Variants in TTYH2 observed in about 807,000 individuals in gnomAD.
TTYH2 encodes the protein tweety family member 2, also known as protein tweety homolog 2.
In TTYH2, 49 loss-of-function variants were observed where a neutral mutation model predicts 68.3. That is an observed-to-expected ratio of 0.72 (90% CI 0.57 to 0.91). TTYH2 has a LOEUF of 0.91. Ranked by LOEUF, TTYH2 falls within the 40% of genes least tolerant of loss-of-function variation. The pLI is 0.00. For missense variants in TTYH2, 631 were observed against 700.4 expected, an observed-to-expected ratio of 0.90 and a Z score of 1.12; for synonymous variants, 272 against 300.8, an observed-to-expected ratio of 0.90 and a Z score of 0.99.
chr17:74,222,804 C>G lies in TTYH2; in HGVS notation c.302+147C>G. 9.7e-7 allele frequency: 1 copy of G among 1,025,780 alleles called. No individual in the cohort carries two copies. Among genetic ancestry groups the G allele is most frequent in the East Asian group, 2.8e-5 (1 of 35,410 alleles). 63.5% of individuals were successfully genotyped at this position (1,025,780 alleles called of 1,614,324 possible). On this transcript the variant is annotated intron_variant, in intron 2 of 13. Transcript: ENST00000269346. This position sits in a 1 kb window ranked among gnomAD's most constrained non-coding sequence, Gnocchi z 5.2. Reference sequence around the variant, plus strand: ...ATGTTGTCCCTTTTTTTTTTTTTACCAAGCATCAGGAATCAGATGCCTGGG... The same window carrying G: ...ATGTTGTCCCTTTTTTTTTTTTTACGAAGCATCAGGAATCAGATGCCTGGG...
intron 2 of TTYH2, among the ~76,000 whole-genome samples, chr17:74,225,441 A>G (rs1462919968): frequency 6.6e-6 from 1 of 152,172 alleles, no homozygotes; most frequent in Non-Finnish European, 1.5e-5. Flanking sequence ...GAGCCACTGC[A>G]GGGGCTCTGC....
intron 3 of TTYH2, among the ~76,000 whole-genome samples, chr17:74,235,825 C>T (rs1198339361): frequency 1.1e-4 from 17 of 147,984 alleles, no homozygotes; most frequent in Non-Finnish European, 1.9e-4. Context: ...ACCCGGGAGG[C>T]GGAGGTTGCA....
At chr17:74,227,059 C>T (rs750959666) in intron 2 of TTYH2, among the ~76,000 whole-genome samples, 2 of 152,204 alleles carry the variant, frequency 1.3e-5, no homozygotes, top group Non-Finnish European at 2.9e-5. Flanking sequence ...ACTGCAACCT[C>T]TGCCTCCCAG....
chr17:74,237,403 A>T lies in TTYH2; in HGVS notation c.524A>T (p.Gln175Leu), dbSNP rs748986816. ...TACCTGCAGACCCTGAAGTTCATAC[A>T]GCAGATGGCGGGCAGCGTTGTTGTT... ...GDYLQTLKFI[Q>L]QMAGSVVVQL... Residue 175 changes from glutamine to leucine, a missense_variant, in exon 4 of 14, where the codon CAG becomes CTG. Physicochemically the swap from Gln to Leu is moderately radical, Grantham distance 113. Coordinates refer to ENST00000269346, the MANE Select transcript of TTYH2 (RefSeq NM_032646.6). The T allele has an allele frequency of 6.2e-7, 1 of 1,614,170 alleles. No individual in the cohort carries two copies. Among genetic ancestry groups the T allele is most frequent in the African/African-American group, 1.3e-5 (1 of 75,044 alleles).
Position 74,243,374 on chromosome 17 carries a change from G to A in TTYH2, c.636G>A (p.Arg212=). The part of the protein sequence containing the change: ...SDQTGYVEYY[R]WLSYLLLFIL... The stretch of plus-strand genomic sequence containing the variant: ...TGACCATCCCTGCCCCTCTACCCAG[G>A]TGGCTCTCCTACCTCCTGCTCTTTA... Residue 212 remains arginine (R), a splice_region_variant and synonymous_variant, in exon 5 of 14, where the codon AGG becomes AGA. Transcript: ENST00000269346. 2.5e-6 allele frequency: 4 copies of A among 1,614,060 alleles called. No homozygotes were observed. The highest frequency in any genetic ancestry group is 3.4e-6 in the Non-Finnish European group (4 of 1,179,924).
At chr17:74,259,515 G>A (rs532449457) in intron 13 of TTYH2, among the ~76,000 whole-genome samples, 1 of 152,250 alleles carries the variant, frequency 6.6e-6, no homozygotes, top group Admixed American at 6.5e-5. Flanking sequence ...ACCGTTATGT[G>A]CATTTTGCAT....
At chr17:74,229,947 A>G (rs1358772440) in intron 2 of TTYH2, among the ~76,000 whole-genome samples, 1 of 152,170 alleles carries the variant, frequency 6.6e-6, no homozygotes, top group Non-Finnish European at 1.5e-5. Context: ...CCTGGCCAAC[A>G]TGGTGAAACC....
At chr17:74,229,339 A>G (rs1194985148) in intron 2 of TTYH2, among the ~76,000 whole-genome samples, 1 of 152,178 alleles carries the variant, frequency 6.6e-6, no homozygotes, top group Non-Finnish European at 1.5e-5. Flanking sequence ...CTACTGCATC[A>G]GCATCCCTTG....
intron 6 of TTYH2, among the ~76,000 whole-genome samples, chr17:74,244,499 T>C (rs902704297): frequency 6.6e-6 from 1 of 152,148 alleles, no homozygotes; most frequent in East Asian, 1.9e-4. Flanking sequence ...GACTGTAGAA[T>C]GTGGTGTCTG....
chr17:74,260,198 T>G lies in TTYH2; in HGVS notation c.1594T>G (p.Phe532Val). 6.2e-7 allele frequency: 1 copy of G among 1,613,942 alleles called. No homozygotes were observed. The highest frequency in any genetic ancestry group is 8.5e-7 in the Non-Finnish European group (1 of 1,179,922). ...DEHLRHYGNQ[F>V]PA is the part of the protein sequence containing the mutation. ...GCACCTGAGGCACTACGGGAATCAG[T>G]TTCCAGCCTAACAGACTTTCGGGGG... is the stretch of plus-strand genomic sequence containing the variant. The change falls in exon 14 of 14, where the codon TTT (phenylalanine) becomes GTT (valine). Residue 532 changes from phenylalanine (F) to valine (V), a missense_variant. Transcript: ENST00000269346.
intron 2 of TTYH2, among the ~76,000 whole-genome samples, chr17:74,229,046 G>A (rs1484503117): frequency 6.6e-6 from 1 of 152,204 alleles, no homozygotes; most frequent in East Asian, 1.9e-4. Context: ...GATCCAGGGG[G>A]TGAGTGGTTT....
At chr17:74,238,613 T>C (rs1410193872) in intron 4 of TTYH2, among the ~76,000 whole-genome samples, 2 of 151,952 alleles carry the variant, frequency 1.3e-5, no homozygotes, top group African/African-American at 2.4e-5. Flanking sequence ...ACACCTATAA[T>C]CCCAGCACTT....
intron 5 of TTYH2, 80 bp downstream of exon 5, chr17:74,243,549 C>G: frequency 2.0e-6 from 3 of 1,488,628 alleles, no homozygotes; most frequent in Non-Finnish European, 2.8e-6. Flanking sequence ...GCCTGGCCAG[C>G]TCCAGAGTGT....
chr17:74,249,895 AGACGGAGCCTCACTGTG>A (rs1335751245), intron 8 of TTYH2, 24 bp from the exon 9 acceptor site: 6 of 966,088 alleles, frequency 6.2e-6, no homozygotes, highest in African/African-American at 6.4e-5. Context: ...GGCTCCTGGG[AGACGGAGCCTCACTGTG>A]GGGCTGTGTC....
Position 74,241,367 on chromosome 17 carries a change from C to T in TTYH2, c.636-2007C>T, listed in dbSNP as rs764309489. ...GGTTCCTTCCAGCTCTGAGCTAAGT[C>T]TAAGGAAACTGGCTTCTTGGTGGCA... On this transcript the variant is annotated intron_variant, in intron 4 of 13. Transcript: ENST00000269346. This position sits in a 1 kb window ranked among gnomAD's most constrained non-coding sequence, Gnocchi z 4.1. Among the ~76,000 whole-genome samples the T allele has an allele frequency of 1.3e-5, 2 of 151,946 alleles. No individual in the cohort carries two copies. The highest frequency in any genetic ancestry group is 2.1e-4 in the South Asian group (1 of 4,820).
At chr17:74,260,103 C>A (rs761371282) in intron 13 of TTYH2, 26 bp from the exon 14 acceptor site, 1 of 1,608,478 alleles carries the variant, frequency 6.2e-7, no homozygotes, top group South Asian at 1.1e-5. Flanking sequence ...TCAGCTCTGA[C>A]CATCCCCTCT....
intron 6 of TTYH2, 28 bp from the exon 7 acceptor site, chr17:74,248,983 C>A: frequency 6.2e-7 from 1 of 1,613,906 alleles, no homozygotes; most frequent in Middle Eastern, 1.7e-4. Flanking sequence ...TGATTTTCCT[C>A]CACCCCGTCC....
At chr17:74,221,488 C>A (rs1452190058) in intron 1 of TTYH2, among the ~76,000 whole-genome samples, 1 of 152,224 alleles carries the variant, frequency 6.6e-6, no homozygotes, top group African/African-American at 2.4e-5. Flanking sequence ...GCAGCACCCC[C>A]AGAGCACTAG....
intron 6 of TTYH2, chr17:74,248,551 C>T (rs1019114226): frequency 3.1e-5 from 31 of 1,001,028 alleles, no homozygotes; most frequent in Non-Finnish European, 3.5e-5. Flanking sequence ...ATTGAACACC[C>T]GTCCCTGTAG....
Sources: allele counts gnomAD v4.1 joint callset (sites outside exome capture counted in the v4.1 genomes callset), GRCh38; gene constraint gnomAD v4.1.1; non-coding constraint Gnocchi (gnomAD v3.1); transcripts MANE v1.5; gene names NCBI Gene and HGNC (gene_info 2026-07-23, HGNC 2026-07-21).